The following EP400 variants were observed in gnomAD, a reference collection of about 807,000 sequenced individuals.
The protein encoded by EP400 is E1A binding protein p400, also known as E1A-binding protein p400.
In EP400, 105 loss-of-function variants were observed where a neutral mutation model predicts 354.1. That is an observed-to-expected ratio of 0.30 (90% CI 0.25 to 0.35). EP400 has a LOEUF of 0.35. EP400 is among the 10% of genes least tolerant of loss of function. The probability of loss-of-function intolerance (pLI) is 1.00; values close to 1 mark genes in which losing one functional copy is unlikely to be tolerated. For missense variants in EP400, 3,280 were observed against 4,121.0 expected (o/e 0.80, Z 5.59); for synonymous variants, 1,646 against 1,716.9 (o/e 0.96, Z 1.02).
intron 25 of EP400, among the ~76,000 whole-genome samples, chr12:132,026,711 AG>A (rs1342918652): frequency 6.6e-6 from 1 of 152,106 alleles, no homozygotes; most frequent in Non-Finnish European, 1.5e-5. Flanking sequence ...TACCAACTGG[AG>A]TCCTGGACCC....
Position 132,013,937 on chromosome 12 carries a change from G to T in EP400, c.3923+24G>T, listed in dbSNP as rs1023811719. 6.2e-7 allele frequency: 1 copy of T among 1,611,366 alleles called. No homozygotes were observed. The highest frequency in any genetic ancestry group is 8.5e-7 in the Non-Finnish European group (1 of 1,178,916). The stretch of plus-strand genomic sequence containing the variant: ...GGGTGAGTGTGGGCTCTGGGCATGT[G>T]CCCCCTTTGCTGTCCCTGCCTGTGA... On this transcript the variant is annotated intron_variant, in intron 19 of 52. Coordinates refer to ENST00000389561, the MANE Select transcript of EP400 (RefSeq NM_015409.5). The surrounding 1 kb of genome is among the most constrained non-coding windows in gnomAD (Gnocchi z 4.5).
At chr12:131,988,429 G>A (rs921993463) in intron 7 of EP400, among the ~76,000 whole-genome samples, 1 of 152,186 alleles carries the variant, frequency 6.6e-6, no homozygotes, top group Non-Finnish European at 1.5e-5. Context: ...GGCTGGGGCT[G>A]TTCAGGGAGC....
In EP400 at chr12:131,982,436, A is replaced by G; in HGVS notation, c.1887A>G (p.Gly629=). Residue 629 remains glycine, a synonymous_variant, in exon 5 of 53, where the codon GGA becomes GGG. Transcript: ENST00000389561. ...AQLALHVPTP[G]KVQVQASQLS... ...TGGCCCTCCACGTTCCCACACCTGG[A>G]AAGGTGCAGGTGCAGGCCTCTCAGC... The G allele has an allele frequency of 6.2e-7, 1 of 1,613,988 alleles. No individual in the cohort carries two copies. Among genetic ancestry groups the G allele is most frequent in the Non-Finnish European group, 8.5e-7 (1 of 1,179,868 alleles).
At chr12:132,010,049 G>T in intron 15 of EP400, among the ~76,000 whole-genome samples, 1 of 150,332 alleles carries the variant, frequency 6.7e-6, no homozygotes. Flanking sequence ...AATATCATCT[G>T]GATTTGATTT....
rs571222081 is a variant in EP400, at chr12:132,038,054, C to G, written c.6165C>G (p.Val2055=). 15 of 1,614,212 alleles carry G rather than the reference C, an allele frequency of 9.3e-6. No individual in the cohort carries two copies. The Middle Eastern group carries it at 1.3e-3, about 142-fold the overall frequency. Residue 2055 remains valine (V), a synonymous_variant, in exon 32 of 53, where the codon GTC becomes GTG. Transcript: ENST00000389561. This position sits in a 1 kb window ranked among gnomAD's most constrained non-coding sequence, Gnocchi z 4.2. ...EFVVLSQEPS[V]TETIAPKIAR... ...TGGTGCTTTCTCAGGAACCTTCTGT[C>G]ACGGAAACCATTGCACCCAAAATTG...
intron 2 of EP400, chr12:131,963,449 G>A (rs1891969352): frequency 1.0e-6 from 1 of 960,956 alleles, no homozygotes; most frequent in Non-Finnish European, 1.6e-6. Context: ...ATGTCAGTGA[G>A]CTATCAGCAA....
chr12:131,960,839 A>G lies in EP400; in HGVS notation c.220A>G (p.Ile74Val), dbSNP rs745908892. 4 of 1,613,874 alleles carry G rather than the reference A, an allele frequency of 2.5e-6. No homozygotes were observed. The South Asian group carries it at 4.4e-5, about 18-fold the overall frequency. The change falls in exon 2 of 53, where the codon ATC (isoleucine) becomes GTC (valine). Residue 74 changes from isoleucine (I) to valine (V), a missense_variant. This residue lies in a region of EP400 where 172 missense variants were observed against 242.9 expected (regional missense o/e 0.71). Coordinates refer to ENST00000389561, the MANE Select transcript of EP400 (RefSeq NM_015409.5). ...CCCTGCAACCGGGCAGAACGTGAACATCACCCTGCAGAGCGTGGGCCCTGT... is the reference window on the plus strand; with the variant it reads ...CCCTGCAACCGGGCAGAACGTGAACGTCACCCTGCAGAGCGTGGGCCCTGT... ...RSPATGQNVN[I>V]TLQSVGPVVG...
chr12:132,026,592 C>T (rs1002492787), intron 25 of EP400, among the ~76,000 whole-genome samples: 14 of 152,154 alleles, frequency 9.2e-5, no homozygotes, highest in African/African-American at 3.4e-4. Context: ...TTTGCCGCTA[C>T]CCCCAGAACC....
At chr12:131,993,884 T>C (rs999714757) in intron 11 of EP400, among the ~76,000 whole-genome samples, 3 of 152,240 alleles carry the variant, frequency 2.0e-5, no homozygotes, top group Non-Finnish European at 4.4e-5. Context: ...TCAACTGTAT[T>C]GAAACAGACT....
chr12:132,048,405 C>T (rs943590222), intron 39 of EP400, among the ~76,000 whole-genome samples: 1 of 152,200 alleles, frequency 6.6e-6, no homozygotes, highest in African/African-American at 2.4e-5. Flanking sequence ...TGGCTTCGGC[C>T]AGTCCCTCTG....
At chr12:132,058,230 T>C (rs1303293926) in intron 45 of EP400, among the ~76,000 whole-genome samples, 2 of 151,744 alleles carry the variant, frequency 1.3e-5, no homozygotes, top group South Asian at 2.1e-4. Context: ...ACAAAAGATA[T>C]TAACAGAGAA....
chr12:132,035,431 G>T (rs1305809461), intron 30 of EP400, among the ~76,000 whole-genome samples: 2 of 152,244 alleles, frequency 1.3e-5, no homozygotes, highest in Non-Finnish European at 2.9e-5. Flanking sequence ...GCTTAGGGAG[G>T]ACAGCAAAAT....
rs2136589573 is a variant in EP400 at position 132,052,212 on chromosome 12, C to T, written c.7395-934C>T. On this transcript the variant is annotated intron_variant, in intron 41 of 52. Coordinates refer to ENST00000389561, the MANE Select transcript of EP400 (RefSeq NM_015409.5). This position sits in a 1 kb window ranked among gnomAD's most constrained non-coding sequence, Gnocchi z 4.4. ...TTATTATACTGGAACAGCTCGTGTC[C>T]TTGGTCTCTTGCCTCGGCACCTGAG... is the stretch of plus-strand genomic sequence containing the variant. Among the ~76,000 whole-genome samples, 1 of 152,260 alleles carries T rather than the reference C, an allele frequency of 6.6e-6. No homozygotes were observed. The highest frequency in any genetic ancestry group is 6.5e-5 in the Admixed American group (1 of 15,298).
At chr12:132,009,833 T>G (rs1478930533) in intron 15 of EP400, among the ~76,000 whole-genome samples, 2 of 136,640 alleles carry the variant, frequency 1.5e-5, no homozygotes, top group East Asian at 4.1e-4. Context: ...CTGGCTAATT[T>G]TTTTTTTTTT....
chr12:132,044,719 A>G lies in EP400; in HGVS notation c.6630+4A>G, dbSNP rs1270122692. The G allele has an allele frequency of 6.2e-7, 1 of 1,614,178 alleles. No homozygotes were observed. ...TGGGCAGACAGAAGTCATGCCGGTGAGTGCTGCCCTCTCCCTTTGTGTCTG... is the reference window on the plus strand; with the variant it reads ...TGGGCAGACAGAAGTCATGCCGGTGGGTGCTGCCCTCTCCCTTTGTGTCTG... On this transcript the variant is annotated splice_donor_region_variant and intron_variant, in intron 36 of 52. Transcript: ENST00000389561.
At chr12:132,053,253 T>C in intron 42 of EP400, 29 bp downstream of exon 42, 1 of 1,611,680 alleles carries the variant, frequency 6.2e-7, no homozygotes. Context: ...TCTGCTTGAG[T>C]GGGAAAATGT....
In EP400 at chr12:132,030,113, C is replaced by T. The variant is rs1436375324; in HGVS notation, c.5709C>T (p.Leu1903=). ...AGATGTTCTTGAACTTCCATTACCT[C>T]ACCTATGTAAGAATCGATGAAAATG... is the stretch of plus-strand genomic sequence containing the variant. ...ILEMFLNFHY[L]TYVRIDENAS... The change falls in exon 29 of 53, where the codon CTC becomes CTT. Residue 1903 remains leucine, a synonymous_variant. Coordinates refer to ENST00000389561, the MANE Select transcript of EP400 (RefSeq NM_015409.5). The T allele has an allele frequency of 1.2e-6, 2 of 1,614,110 alleles. No individual in the cohort carries two copies. The highest frequency in any genetic ancestry group is 2.2e-5 in the East Asian group (1 of 44,902).
chr12:132,055,014 C>G lies in EP400; in HGVS notation c.7769C>G (p.Pro2590Arg), dbSNP rs1170327815. 4 of 1,613,694 alleles carry G rather than the reference C, an allele frequency of 2.5e-6. No individual in the cohort carries two copies. Among genetic ancestry groups the G allele is most frequent in the Non-Finnish European group, 3.4e-6 (4 of 1,179,932 alleles). ...ACATCAGTTACTGGGACGAGCATGCCCACTGGTAAGACAAATACAGAGATG... is the reference window on the plus strand; with the variant it reads ...ACATCAGTTACTGGGACGAGCATGCGCACTGGTAAGACAAATACAGAGATG... ...IKTSVTGTSM[P>R]TGAVSGNVIV... Residue 2590 changes from proline (P) to arginine (R), a missense_variant, in exon 44 of 53, where the codon CCC becomes CGC. Physicochemically the swap from Pro to Arg is moderately radical, Grantham distance 103 (BLOSUM62 -2). Around this residue, in one of 20 missense-constraint regions of EP400, gnomAD observed 255 missense variants for 295.9 expected, o/e 0.86. Transcript: ENST00000389561.
intron 30 of EP400, among the ~76,000 whole-genome samples, chr12:132,036,056 G>A (rs1259019875): frequency 2.6e-5 from 4 of 151,224 alleles, no homozygotes; most frequent in Non-Finnish European, 5.9e-5. Flanking sequence ...AGGTTCACAC[G>A]GAACGTCTTA....
Sources: gnomAD v4.1 joint callset for allele counts (sites outside exome capture counted in the v4.1 genomes callset) on GRCh38, gnomAD v4.1.1 for gene constraint, gnomAD v4.1.1 regional missense constraint, Gnocchi (gnomAD v3.1) non-coding constraint, MANE v1.5 for transcripts, NCBI Gene and HGNC (gene_info 2026-07-23, HGNC 2026-07-21) for gene names.